Variants in HIVEP3 observed in about 807,000 individuals in gnomAD.
HIVEP3 encodes the protein transcription factor HIVEP3.
HIVEP3 carries 49 observed loss-of-function variants against 152.8 expected under a neutral mutation model. The ratio of observed to expected loss-of-function variants is 0.32; its 90% confidence interval spans 0.26 to 0.41. HIVEP3 has a LOEUF of 0.41. HIVEP3 is among the 10% of genes least tolerant of loss of function. The probability of loss-of-function intolerance (pLI) is 1.00; values close to 1 mark genes in which losing one functional copy is unlikely to be tolerated. For missense variants in HIVEP3, 2,790 were observed against 3,103.3 expected (o/e 0.90, Z 2.40); for synonymous variants, 1,269 against 1,289.0 (o/e 0.98, Z 0.33).
intron 1 of HIVEP3, among the ~76,000 whole-genome samples, chr1:41,962,118 T>TA (rs1645172908): frequency 6.6e-6 from 1 of 152,140 alleles, no homozygotes; most frequent in Non-Finnish European, 1.5e-5. Flanking sequence ...GGGTTATAAG[T>TA]AAAAAAGCTT....
chr1:41,587,079 G>A (rs527625942), intron 3 of HIVEP3, among the ~76,000 whole-genome samples: 92 of 152,086 alleles, frequency 6.0e-4, no homozygotes, highest in Non-Finnish European at 1.1e-3. Context: ...GTCCATTATG[G>A]AGTCTTATAG....
intron 1 of HIVEP3, among the ~76,000 whole-genome samples, chr1:41,818,593 G>T (rs192428295): frequency 6.6e-4 from 100 of 152,286 alleles, no homozygotes; most frequent in African/African-American, 2.3e-3. Flanking sequence ...GAAACACCAC[G>T]CAGTCATTGG....
chr1:41,889,243 C>T (rs1644408595), intron 1 of HIVEP3, among the ~76,000 whole-genome samples: 2 of 152,038 alleles, frequency 1.3e-5, no homozygotes, highest in South Asian at 4.2e-4. Context: ...ACAGTCCCAC[C>T]CCACATCCCC....
At chr1:41,557,819 T>A (rs1192778384) in intron 5 of HIVEP3, among the ~76,000 whole-genome samples, 4 of 152,178 alleles carry the variant, frequency 2.6e-5, no homozygotes, top group African/African-American at 7.2e-5. Flanking sequence ...GTTTCAACGG[T>A]GACCCCAGGG....
At chr1:41,812,820 A>G (rs1651045079) in intron 1 of HIVEP3, among the ~76,000 whole-genome samples, 2 of 138,846 alleles carry the variant, frequency 1.4e-5, no homozygotes, top group Non-Finnish European at 3.1e-5. Flanking sequence ...GGGTGGGGGG[A>G]CAGATAAGTT....
chr1:41,958,459 C>G (rs541552609), intron 1 of HIVEP3, among the ~76,000 whole-genome samples: 1 of 152,314 alleles, frequency 6.6e-6, no homozygotes, highest in South Asian at 2.1e-4. Flanking sequence ...TAAGTACAGT[C>G]AGATCCAGCA....
intron 1 of HIVEP3, among the ~76,000 whole-genome samples, chr1:41,940,834 G>C (rs1645041879): frequency 6.6e-6 from 1 of 151,712 alleles, no homozygotes; most frequent in South Asian, 2.1e-4. Context: ...GAGAGAAGCT[G>C]GTAAAGACAG....
chr1:41,876,821 G>A (rs1201232575), intron 1 of HIVEP3, among the ~76,000 whole-genome samples: 2 of 152,150 alleles, frequency 1.3e-5, no homozygotes, highest in Non-Finnish European at 2.9e-5. Flanking sequence ...TCTACAATAT[G>A]TTACATCTTG....
chr1:41,801,155 T>G (rs1349744961), intron 1 of HIVEP3, among the ~76,000 whole-genome samples: 3 of 152,180 alleles, frequency 2.0e-5, no homozygotes, highest in African/African-American at 4.8e-5. Flanking sequence ...GGCTTTTTGC[T>G]GAAGGACCCT....
intron 1 of HIVEP3, among the ~76,000 whole-genome samples, chr1:41,890,140 TCCC>T: frequency 6.6e-6 from 1 of 152,312 alleles, no homozygotes; most frequent in East Asian, 1.9e-4. Context: ...ATGATGATAG[TCCC>T]TACCTCATGG....
intron 3 of HIVEP3, among the ~76,000 whole-genome samples, chr1:41,604,438 T>C (rs923417143): frequency 3.3e-5 from 5 of 152,188 alleles, no homozygotes; most frequent in Non-Finnish European, 7.4e-5. Flanking sequence ...ATATGCCGTG[T>C]GATGATGTGA....
intron 2 of HIVEP3, among the ~76,000 whole-genome samples, chr1:41,665,650 CTG>C (rs1197571753): frequency 6.8e-6 from 1 of 147,460 alleles, no homozygotes; most frequent in Non-Finnish European, 1.5e-5. Flanking sequence ...TTCAAGAAAA[CTG>C]TGATCCAGGT....
rs1644466560 is a variant in HIVEP3, at chr1:41,584,168, G to A, written c.630C>T (p.His210=). The change falls in exon 4 of 9, where the codon CAC becomes CAT. Residue 210 remains histidine (H), a synonymous_variant. Coordinates refer to ENST00000372583, the MANE Select transcript of HIVEP3 (RefSeq NM_024503.5). The surrounding 1 kb of genome is among the most constrained non-coding windows in gnomAD (Gnocchi z 5.2). ...PCAKPSVLQK[H]IRSHTGERPY... is the part of the protein sequence containing the mutation. ...GCCTCTCACCTGTGTGTGAGCGAAT[G>A]TGCTTCTGGAGCACGCTGGGCTTGG... is the stretch of plus-strand genomic sequence containing the variant. 1 of 1,614,196 alleles carries A rather than the reference G, an allele frequency of 6.2e-7. No homozygotes were observed. Among genetic ancestry groups the A allele is most frequent in the Admixed American group, 1.7e-5 (1 of 60,026 alleles).
intron 1 of HIVEP3, among the ~76,000 whole-genome samples, chr1:41,901,513 G>C (rs1644623117): frequency 6.6e-6 from 1 of 152,144 alleles, no homozygotes; most frequent in South Asian, 2.1e-4. Context: ...AGGCAGCAGA[G>C]AAGGCTATGC....
At chr1:41,544,754 C>CTCT (rs1643643125) in intron 5 of HIVEP3, among the ~76,000 whole-genome samples, 1 of 141,748 alleles carries the variant, frequency 7.1e-6, no homozygotes, top group Non-Finnish European at 1.5e-5. Flanking sequence ...CCACTACCAC[C>CTCT]ACCATCACCA....
chr1:41,831,263 A>G (rs1642956644), intron 1 of HIVEP3, among the ~76,000 whole-genome samples: 1 of 152,106 alleles, frequency 6.6e-6, no homozygotes, highest in Non-Finnish European at 1.5e-5. Context: ...GGAAACCCTC[A>G]TTTCCAGCTC....
At chr1:41,711,703 A>T (rs1646515867) in intron 1 of HIVEP3, among the ~76,000 whole-genome samples, 1 of 152,086 alleles carries the variant, frequency 6.6e-6, no homozygotes, top group Non-Finnish European at 1.5e-5. Context: ...TACCCCTTGG[A>T]GCTGGCTGTC....
chr1:41,544,548 C>G (rs1044524731), intron 5 of HIVEP3, among the ~76,000 whole-genome samples: 2 of 150,820 alleles, frequency 1.3e-5, no homozygotes, highest in South Asian at 2.1e-4. Flanking sequence ...AAACCCTCAC[C>G]ATAGGCCCCA....
intron 5 of HIVEP3, among the ~76,000 whole-genome samples, chr1:41,538,703 C>G (rs1643458491): frequency 6.6e-6 from 1 of 152,178 alleles, no homozygotes; most frequent in Non-Finnish European, 1.5e-5. Context: ...AAGCAGGCAC[C>G]AAGCCTGGGC....
Sources: gnomAD v4.1 joint callset for allele counts (sites outside exome capture counted in the v4.1 genomes callset) on GRCh38, gnomAD v4.1.1 for gene constraint, Gnocchi (gnomAD v3.1) non-coding constraint, MANE v1.5 for transcripts, NCBI Gene and HGNC (gene_info 2026-07-23, HGNC 2026-07-21) for gene names.